The following NEK10 variants were observed in gnomAD, a reference collection of about 807,000 sequenced individuals.
NEK10 encodes the protein serine/threonine-protein kinase Nek10.
Under a neutral mutation model 159.8 loss-of-function variants are expected in NEK10, and 122 were observed. The ratio of observed to expected loss-of-function variants is 0.76; its 90% confidence interval spans 0.66 to 0.89. The LOEUF is 0.89. Ranked by LOEUF, NEK10 falls within the 40% of genes least tolerant of loss-of-function variation. The pLI, the probability that NEK10 is intolerant of heterozygous loss-of-function variation, is 0.00. For synonymous variants in NEK10, 466 were observed against 457.1 expected (o/e 1.02, Z -0.25); for missense variants, 1,342 against 1,323.1 (o/e 1.01, Z -0.22).
intron 24 of NEK10, among the ~76,000 whole-genome samples, 194 bp from the exon 25 acceptor site, chr3:27,201,774 G>A (rs1950065911): frequency 6.6e-6 from 1 of 152,152 alleles, no homozygotes; most frequent in Admixed American, 6.5e-5. Flanking sequence ...TATTATCCAA[G>A]CTGAGTTAAA....
intron 25 of NEK10, among the ~76,000 whole-genome samples, chr3:27,193,678 A>T (rs1949320210): frequency 7.6e-6 from 1 of 131,682 alleles, no homozygotes; most frequent in Non-Finnish European, 1.5e-5. Flanking sequence ...CATCTCTTAT[A>T]TACTTGCCAA....
chr3:27,283,246 T>C (rs1482618595), intron 22 of NEK10, among the ~76,000 whole-genome samples: 1 of 152,154 alleles, frequency 6.6e-6, no homozygotes, highest in Non-Finnish European at 1.5e-5. Context: ...TATGTTGTCA[T>C]ATGACATCAA....
At chr3:27,358,256 T>G (rs1253908657) in intron 1 of NEK10, among the ~76,000 whole-genome samples, 2 of 152,178 alleles carry the variant, frequency 1.3e-5, no homozygotes, top group East Asian at 3.9e-4. Flanking sequence ...AAAGGCATGC[T>G]ACTTTAAAAA....
intron 1 of NEK10, among the ~76,000 whole-genome samples, chr3:27,362,360 T>C (rs750775516): frequency 1.3e-5 from 2 of 152,106 alleles, no homozygotes; most frequent in Admixed American, 6.5e-5. Flanking sequence ...GCTAAGAAGT[T>C]TGGAAGCAAT....
chr3:27,332,000 T>C (rs901399955), intron 5 of NEK10, among the ~76,000 whole-genome samples: 2 of 152,148 alleles, frequency 1.3e-5, no homozygotes, highest in African/African-American at 4.8e-5. Context: ...TCATTCCAGC[T>C]AGAATGAGTA....
intron 22 of NEK10, among the ~76,000 whole-genome samples, chr3:27,268,302 ATATC>A (rs1314819811): frequency 1.3e-5 from 2 of 152,242 alleles, no homozygotes; most frequent in African/African-American, 4.8e-5. Context: ...TAAGGAATAG[ATATC>A]CAATGTAGAC....
intron 19 of NEK10, among the ~76,000 whole-genome samples, 159 bp downstream of exon 19, chr3:27,290,458 G>A (rs1434279887): frequency 1.3e-5 from 2 of 152,156 alleles, no homozygotes; most frequent in South Asian, 4.1e-4. Flanking sequence ...TCAATGTCAA[G>A]CCTTAGGAAA....
At position 27,107,195 on chromosome 3, in the gene NEK10, C is replaced by T. The variant is rs1939079096; in HGVS notation, c.*4077G>A. Among the ~76,000 whole-genome samples, 1 of 152,030 alleles carries T rather than the reference C, an allele frequency of 6.6e-6. No homozygotes were observed. Among genetic ancestry groups the T allele is most frequent in the South Asian group, 2.1e-4 (1 of 4,820 alleles). ...GGTACGTGATCTTCATTTTTAAAAA[C>T]AACTATTGCCCATGAACTCAGAAAA... On this transcript the variant is annotated 3_prime_UTR_variant, in exon 36 of 36. Transcript: ENST00000691995.
At chr3:27,334,799 G>GGAAAC (rs1359131325) in intron 5 of NEK10, among the ~76,000 whole-genome samples, 1 of 152,160 alleles carries the variant, frequency 6.6e-6, no homozygotes, top group African/African-American at 2.4e-5. Flanking sequence ...CAGATGTGCA[G>GGAAAC]ATGTCAGTGT....
intron 22 of NEK10, among the ~76,000 whole-genome samples, chr3:27,259,218 C>T (rs1214116753): frequency 2.6e-5 from 4 of 152,114 alleles, no homozygotes; most frequent in Admixed American, 6.5e-5. Context: ...AGCTCTTTAG[C>T]TTAATTAGAT....
chr3:27,237,894 A>T (rs1384387710), intron 23 of NEK10, among the ~76,000 whole-genome samples: 1 of 152,200 alleles, frequency 6.6e-6, no homozygotes, highest in Non-Finnish European at 1.5e-5. Flanking sequence ...GAAATTGTAT[A>T]AAAAGGGCTG....
At chr3:27,244,517 A>G (rs1954868081) in intron 23 of NEK10, among the ~76,000 whole-genome samples, 1 of 152,162 alleles carries the variant, frequency 6.6e-6, no homozygotes, top group Non-Finnish European at 1.5e-5. Context: ...GATTGGAGGG[A>G]CACTGCAGGA....
At chr3:27,241,953 C>T (rs1407139209) in intron 23 of NEK10, among the ~76,000 whole-genome samples, 1 of 152,238 alleles carries the variant, frequency 6.6e-6, no homozygotes, top group African/African-American at 2.4e-5. Flanking sequence ...CACCAAAACA[C>T]TGCTGGGCCT....
At chr3:27,361,694 A>G (rs1300703125) in intron 1 of NEK10, among the ~76,000 whole-genome samples, 1 of 152,222 alleles carries the variant, frequency 6.6e-6, no homozygotes, top group Admixed American at 6.5e-5. Flanking sequence ...GTAAGTACAG[A>G]TTCAACCCAA....
chr3:27,211,797 C>A (rs1489467853), intron 23 of NEK10, among the ~76,000 whole-genome samples: 1 of 152,088 alleles, frequency 6.6e-6, no homozygotes, highest in African/African-American at 2.4e-5. Context: ...GTAAAGGAGA[C>A]AACTAATATA....
intron 8 of NEK10, chr3:27,311,492 G>A (rs544527432): frequency 6.3e-6 from 1 of 158,602 alleles, no homozygotes; most frequent in East Asian, 1.9e-4. Context: ...GAGAATCACT[G>A]TGCTGCTCCA....
At chr3:27,218,604 CAA>C (rs534568582) in intron 23 of NEK10, among the ~76,000 whole-genome samples, 5 of 67,422 alleles carry the variant, frequency 7.4e-5, no homozygotes, top group Admixed American at 1.8e-4. Context: ...GTCTCCATCT[CAA>C]AAAAAAAAAA....
chr3:27,332,808 G>A (rs979476305), intron 5 of NEK10, among the ~76,000 whole-genome samples: 7 of 152,128 alleles, frequency 4.6e-5, no homozygotes, highest in African/African-American at 1.7e-4. Context: ...GGATACCAAC[G>A]CCCTTTGTAC....
At chr3:27,191,878 C>T (rs1225608166) in intron 26 of NEK10, 151 bp downstream of exon 26, 20 of 621,520 alleles carry the variant, frequency 3.2e-5, no homozygotes, top group Non-Finnish European at 4.8e-5. Flanking sequence ...ATATAAGATA[C>T]AGAAATGGAT....
Sources: allele counts gnomAD v4.1 joint callset (sites outside exome capture counted in the v4.1 genomes callset), GRCh38; gene constraint gnomAD v4.1.1; transcripts MANE v1.5; gene names NCBI Gene and HGNC (gene_info 2026-07-23, HGNC 2026-07-21).